The following SHROOM3 variants were observed in gnomAD, a reference collection of about 807,000 sequenced individuals.
The protein encoded by SHROOM3 is protein Shroom3.
A neutral mutation model predicts 138.6 loss-of-function variants in SHROOM3; 47 were observed. That is an observed-to-expected ratio of 0.34 (90% confidence interval 0.27 to 0.43). SHROOM3 has a LOEUF of 0.43. Ranked by LOEUF, SHROOM3 falls within the 20% of genes least tolerant of loss-of-function variation. The pLI, the probability that SHROOM3 is intolerant of heterozygous loss-of-function variation, is 1.00. For missense variants in SHROOM3, 2,491 were observed against 2,596.5 expected (o/e 0.96, Z 0.88); for synonymous variants, 1,062 against 1,063.3 (o/e 1.00, Z 0.02).
chr4:76,779,013 A>C lies in SHROOM3; in HGVS notation c.5827A>C (p.Lys1943Gln), dbSNP rs745611618. 1.9e-5 allele frequency: 31 copies of C among 1,614,152 alleles called. No homozygotes were observed. The Admixed American group carries it at 3.5e-4, about 18-fold the overall frequency. ...IEQRKLDDKI[K>Q]LGQEQVKCLL... ...GCAACGGAAGCTGGATGACAAGATC[A>C]AGCTGGGCCAGGAGCAGGTCAAGTG... Residue 1943 changes from lysine (K) to glutamine (Q), a missense_variant, in exon 11 of 11, where the codon AAG (lysine) becomes CAG (glutamine). This residue lies in a region of SHROOM3 where 470 missense variants were observed against 595.0 expected (regional missense o/e 0.79). Transcript: ENST00000296043.
chr4:76,487,875 C>T (rs1171596895), intron 1 of SHROOM3, among the ~76,000 whole-genome samples: 5 of 152,158 alleles, frequency 3.3e-5, no homozygotes, highest in Non-Finnish European at 7.3e-5. Flanking sequence ...TGCTTGCCAT[C>T]CTTCTTTCTT....
chr4:76,441,764 C>T (rs993997125), intron 1 of SHROOM3, among the ~76,000 whole-genome samples: 1 of 152,028 alleles, frequency 6.6e-6, no homozygotes, highest in Non-Finnish European at 1.5e-5. Flanking sequence ...CTCTTGTTGC[C>T]CAGGCTGGAG....
chr4:76,640,951 T>A (rs376239911), intron 2 of SHROOM3, among the ~76,000 whole-genome samples: 1 of 152,124 alleles, frequency 6.6e-6, no homozygotes, highest in East Asian at 1.9e-4. Flanking sequence ...GCTGCATGCA[T>A]ACATAAATGG....
chr4:76,615,856 A>G (rs903923763), intron 2 of SHROOM3, among the ~76,000 whole-genome samples: 2 of 152,212 alleles, frequency 1.3e-5, no homozygotes, highest in African/African-American at 4.8e-5. Context: ...TGGTGCATCA[A>G]GTGAGGAAGA....
At chr4:76,556,490 T>G (rs1010609391) in intron 2 of SHROOM3, among the ~76,000 whole-genome samples, 8 of 152,246 alleles carry the variant, frequency 5.3e-5, no homozygotes, top group African/African-American at 1.9e-4. Context: ...AATAGGTTAC[T>G]GGAGGTAGCC....
At chr4:76,438,425 C>T (rs1328769935) in intron 1 of SHROOM3, among the ~76,000 whole-genome samples, 1 of 152,162 alleles carries the variant, frequency 6.6e-6, no homozygotes, top group Non-Finnish European at 1.5e-5. Context: ...TCACATGTGA[C>T]TATTTCTATT....
At position 76,754,797 on chromosome 4, in the gene SHROOM3, A is replaced by G. The variant is rs775532210; in HGVS notation, c.4314A>G (p.Arg1438=). ...GAGCAAAGTGGGCCCACGCAGCCAG[A>G]GAGGACAGCCTTCCTGAGGAATCCT... ...PSRAKWAHAA[R]EDSLPEESSA... The change falls in exon 7 of 11, where the codon AGA becomes AGG. Residue 1438 remains arginine, a synonymous_variant. Coordinates refer to ENST00000296043, the MANE Select transcript of SHROOM3 (RefSeq NM_020859.4). The G allele has an allele frequency of 6.2e-7, 1 of 1,614,188 alleles. No individual in the cohort carries two copies. Among genetic ancestry groups the G allele is most frequent in the East Asian group, 2.2e-5 (1 of 44,888 alleles).
At chr4:76,774,275 C>T (rs762791321) in intron 10 of SHROOM3, among the ~76,000 whole-genome samples, 2 of 152,166 alleles carry the variant, frequency 1.3e-5, no homozygotes, top group Admixed American at 1.3e-4. Flanking sequence ...TCAACACTTA[C>T]ATGCATGCCT....
At chr4:76,598,904 T>C (rs1298767992) in intron 2 of SHROOM3, among the ~76,000 whole-genome samples, 1 of 152,084 alleles carries the variant, frequency 6.6e-6, no homozygotes, top group Non-Finnish European at 1.5e-5. Context: ...GTTTTCAAGA[T>C]GTTAAGTCTG....
At chr4:76,625,173 A>G (rs915191210) in intron 2 of SHROOM3, among the ~76,000 whole-genome samples, 1 of 152,186 alleles carries the variant, frequency 6.6e-6, no homozygotes, top group South Asian at 2.1e-4. Flanking sequence ...CCAAACTACA[A>G]TAGCAGTATG....
At position 76,755,005 on chromosome 4, in the gene SHROOM3, G is replaced by GTGTT. The variant is rs1430855111; in HGVS notation, c.4526_4529dup (p.Arg1511CysfsTer15). The GTGTT allele has an allele frequency of 6.2e-7, 1 of 1,611,442 alleles. No individual in the cohort carries two copies. The highest frequency in any genetic ancestry group is 1.3e-5 in the African/African-American group (1 of 74,816). On this transcript the variant is annotated frameshift_variant, in exon 7 of 11. Transcript: ENST00000296043. LOFTEE classifies it high-confidence loss of function. ...ACCTCATGAGGATTATGAAGACGAAGTGTTTGTGAGGGATCCGCACCCCAA... is the reference window on the plus strand; with the variant it reads ...ACCTCATGAGGATTATGAAGACGAAGTGTTTGTTTGTGAGGGATCCGCACCCCAA...
chr4:76,608,589 GCATAGCA>G (rs1734679218), intron 2 of SHROOM3, among the ~76,000 whole-genome samples: 2 of 149,190 alleles, frequency 1.3e-5, no homozygotes, highest in Non-Finnish European at 3.0e-5. Flanking sequence ...GCATAGCATA[GCATAGCA>G]TAGCATAGCA....
In SHROOM3 at chr4:76,754,642, C is replaced by T. The variant is rs763375347; in HGVS notation, c.4159C>T (p.His1387Tyr). 4 of 1,614,048 alleles carry T rather than the reference C, an allele frequency of 2.5e-6. No homozygotes were observed. In the African/African-American group the frequency reaches 4.0e-5, roughly 16 times the overall value. ...CCCGCCCTACACCCCTGCCATGATGCACAGAAGCAATGGTCACACCCTGAC... is the reference window on the plus strand; with the variant it reads ...CCCGCCCTACACCCCTGCCATGATGTACAGAAGCAATGGTCACACCCTGAC... Reference protein sequence around the residue: ...PLPPYTPAMMHRSNGHTLTQP... With the variant: ...PLPPYTPAMMYRSNGHTLTQP... Residue 1387 changes from histidine to tyrosine, a missense_variant, in exon 7 of 11, where the codon CAC becomes TAC. By Grantham distance (83) the His-to-Tyr change is moderately conservative (BLOSUM62 2). Transcript: ENST00000296043.
At chr4:76,720,338 T>A (rs939205224) in intron 3 of SHROOM3, among the ~76,000 whole-genome samples, 1 of 152,020 alleles carries the variant, frequency 6.6e-6, no homozygotes, top group Non-Finnish European at 1.5e-5. Flanking sequence ...AAGATTCTTG[T>A]TTGTTTCAAA....
At position 76,689,630 on chromosome 4, in the gene SHROOM3, C is replaced by T. The variant is rs542947848; in HGVS notation, c.324-20526C>T. On this transcript the variant is annotated intron_variant, in intron 2 of 10. Transcript: ENST00000296043. ...GCGCGCCGCCTCCTCGGAGCGGCGG[C>T]GAAGTTTGAACTTGGCGTCGGCCTG... is the stretch of plus-strand genomic sequence containing the variant. 478 of 985,258 alleles carry T rather than the reference C, an allele frequency of 4.9e-4. No individual in the cohort carries two copies. The African/African-American group carries it at 7.6e-3, about 16-fold the overall frequency. 61.0% of individuals were successfully genotyped at this position (985,258 alleles called of 1,614,324 possible).
chr4:76,526,131 G>T (rs1016047669), intron 1 of SHROOM3, among the ~76,000 whole-genome samples: 5 of 152,180 alleles, frequency 3.3e-5, no homozygotes, highest in African/African-American at 1.2e-4. Context: ...GTTTTGGGAG[G>T]CCAAGGCAGG....
chr4:76,776,315 T>C (rs1289110428), intron 10 of SHROOM3, among the ~76,000 whole-genome samples: 1 of 152,234 alleles, frequency 6.6e-6, no homozygotes, highest in Non-Finnish European at 1.5e-5. Context: ...GGATTTTTTC[T>C]TGCTGATTTA....
Position 76,754,811 on chromosome 4 carries a change from C to T in SHROOM3, c.4328C>T (p.Pro1443Leu), listed in dbSNP as rs1379178896. 2 of 1,614,064 alleles carry T rather than the reference C, an allele frequency of 1.2e-6. No individual in the cohort carries two copies. Among genetic ancestry groups the T allele is most frequent in the African/African-American group, 2.7e-5 (2 of 74,914 alleles). The stretch of plus-strand genomic sequence containing the variant: ...CACGCAGCCAGAGAGGACAGCCTTC[C>T]TGAGGAATCCTCAGCCCCTGATTTT... Reference protein sequence around the residue: ...WAHAAREDSLPEESSAPDFAN... With the variant: ...WAHAAREDSLLEESSAPDFAN... The change falls in exon 7 of 11, where the codon CCT (proline) becomes CTT (leucine). Residue 1443 changes from proline (P) to leucine (L), a missense_variant. Coordinates refer to ENST00000296043, the MANE Select transcript of SHROOM3 (RefSeq NM_020859.4).
At chr4:76,709,326 C>G (rs1264701751) in intron 2 of SHROOM3, among the ~76,000 whole-genome samples, 1 of 152,198 alleles carries the variant, frequency 6.6e-6, no homozygotes, top group Non-Finnish European at 1.5e-5. Context: ...AAATAAACCA[C>G]TGGTTCCCCA....
Sources: allele counts gnomAD v4.1 joint callset (sites outside exome capture counted in the v4.1 genomes callset), GRCh38; gene constraint gnomAD v4.1.1; regional missense constraint gnomAD v4.1.1; transcripts MANE v1.5; gene names NCBI Gene and HGNC (gene_info 2026-07-23, HGNC 2026-07-21).